Variants in ZNF326 observed in about 807,000 individuals in gnomAD.
The protein encoded by ZNF326 is DBIRD complex subunit ZNF326.
ZNF326 carries 30 observed loss-of-function variants against 63.1 expected under a neutral mutation model. That is an observed-to-expected ratio of 0.48 (90% confidence interval 0.36 to 0.64). The LOEUF is 0.64. Among genes scored for constraint, ZNF326 ranks in the 30% least tolerant of loss-of-function variants. The probability of loss-of-function intolerance (pLI) is 0.00; values close to 1 mark genes in which losing one functional copy is unlikely to be tolerated. For missense variants in ZNF326, 609 were observed against 720.3 expected (o/e 0.85, Z 1.77); for synonymous variants, 194 against 228.2 (o/e 0.85, Z 1.35).
At chr1:90,011,979 G>T (rs1384000947) in intron 6 of ZNF326, among the ~76,000 whole-genome samples, 1 of 152,164 alleles carries the variant, frequency 6.6e-6, no homozygotes, top group African/African-American at 2.4e-5. Flanking sequence ...TGGGACTACA[G>T]ATGTGCACCA....
intron 2 of ZNF326, among the ~76,000 whole-genome samples, chr1:89,999,682 T>C (rs1029807978): frequency 2.6e-5 from 4 of 152,230 alleles, no homozygotes; most frequent in Admixed American, 2.6e-4. Context: ...TGTGCAAAAC[T>C]ACTCTGAATG....
At chr1:90,006,312 CTT>C (rs1436253901) in intron 4 of ZNF326, 62 of 977,192 alleles carry the variant, frequency 6.3e-5, no homozygotes, top group Non-Finnish European at 7.4e-5. Context: ...TAATGTAACA[CTT>C]AATGTTTTAA....
Position 90,011,614 on chromosome 1 carries a change from A to G in ZNF326, c.814+1328A>G, listed in dbSNP as rs910715782. On this transcript the variant is annotated intron_variant, in intron 6 of 11. Transcript: ENST00000340281. ...CCACTCCATACCCACTTGGATGGTCATAATAAAAAAAGGAAAATAACAAAT... is the reference window on the plus strand; with the variant it reads ...CCACTCCATACCCACTTGGATGGTCGTAATAAAAAAAGGAAAATAACAAAT... Among the ~76,000 whole-genome samples the G allele has an allele frequency of 3.3e-5, 5 of 150,892 alleles. No homozygotes were observed. In the South Asian group the frequency reaches 6.3e-4, roughly 19 times the overall value.
At chr1:90,011,644 A>C (rs1649238984) in intron 6 of ZNF326, among the ~76,000 whole-genome samples, 1 of 151,864 alleles carries the variant, frequency 6.6e-6, no homozygotes, top group Non-Finnish European at 1.5e-5. Flanking sequence ...ACAAATGTTG[A>C]CAAGGATATG....
chr1:90,010,478 A>ATTT (rs1649185135), intron 6 of ZNF326, among the ~76,000 whole-genome samples, 192 bp downstream of exon 6: 1 of 152,168 alleles, frequency 6.6e-6, no homozygotes, highest in Non-Finnish European at 1.5e-5. Context: ...TAAAATGTAC[A>ATTT]TAACCTGGTC....
chr1:90,019,766 TACTG>T (rs1434405729), intron 9 of ZNF326, among the ~76,000 whole-genome samples: 7 of 152,260 alleles, frequency 4.6e-5, no homozygotes, highest in Admixed American at 1.3e-4. Flanking sequence ...TCTAACTGCC[TACTG>T]ACATCTCTTT....
At chr1:90,016,645 A>G (rs1449724664) in intron 7 of ZNF326, among the ~76,000 whole-genome samples, 1 of 151,456 alleles carries the variant, frequency 6.6e-6, no homozygotes, top group East Asian at 1.9e-4. Flanking sequence ...TGAACTGGGG[A>G]GGTGGAGGTT....
chr1:90,016,712 A>G (rs553505310), intron 7 of ZNF326, among the ~76,000 whole-genome samples: 1 of 151,362 alleles, frequency 6.6e-6, no homozygotes, highest in South Asian at 2.1e-4. Context: ...GCGAGGCTCC[A>G]TCTCAAAAAA....
intron 6 of ZNF326, 72 bp downstream of exon 6, chr1:90,010,358 T>A: frequency 6.8e-7 from 1 of 1,468,230 alleles, no homozygotes; most frequent in Non-Finnish European, 9.3e-7. Context: ...TTTTTGGTAA[T>A]TTTTTCATGT....
rs1281884068 is a variant in ZNF326 at position 89,995,253 on chromosome 1, C to G, written c.-5C>G. The G allele has an allele frequency of 2.6e-6, 4 of 1,554,668 alleles. No homozygotes were observed. The African/African-American group carries it at 5.6e-5, about 22-fold the overall frequency. ...CGCCAAGGCCGACGGCCCTCAGCCT[C>G]TGCCATGGACTTCGAGGACGGTAAG... is the stretch of plus-strand genomic sequence containing the variant. On this transcript the variant is annotated 5_prime_UTR_variant, in exon 1 of 12. Coordinates refer to ENST00000340281, the MANE Select transcript of ZNF326 (RefSeq NM_182976.4).
intron 5 of ZNF326, 79 bp from the exon 6 acceptor site, chr1:90,010,009 G>A: frequency 7.1e-7 from 1 of 1,417,260 alleles, no homozygotes; most frequent in South Asian, 1.3e-5. Flanking sequence ...TTAGTAGATA[G>A]TTAACATGAA....
At chr1:89,996,900 G>A (rs1051415917) in intron 1 of ZNF326, among the ~76,000 whole-genome samples, 2 of 152,220 alleles carry the variant, frequency 1.3e-5, no homozygotes, top group Non-Finnish European at 2.9e-5. Flanking sequence ...CAAAGTGGAG[G>A]TGGGGCAGTA....
intron 5 of ZNF326, among the ~76,000 whole-genome samples, chr1:90,008,307 T>C: frequency 6.6e-6 from 1 of 152,208 alleles, no homozygotes; most frequent in African/African-American, 2.4e-5. Flanking sequence ...TGATTTGTGG[T>C]CAGTGTAATT....
intron 4 of ZNF326, chr1:90,006,125 C>G: frequency 1.0e-6 from 1 of 985,396 alleles, no homozygotes. Context: ...TTCCTTCTTT[C>G]TGCTTCCAGT....
At position 90,031,451 on chromosome 1, in the gene ZNF326, C is replaced by G. The variant is rs750089252; in HGVS notation, c.*3750C>G. On this transcript the variant is annotated 3_prime_UTR_variant, in exon 12 of 12. Transcript: ENST00000340281. ...TGATTTATTTACCAAATTGTCCTTA[C>G]TTTGAATATAAGCAAACTTTTTTAT... 1 of 151,982 alleles carries G rather than the reference C, an allele frequency of 6.6e-6. No individual in the cohort carries two copies. The highest frequency in any genetic ancestry group is 2.4e-5 in the African/African-American group (1 of 41,372). The allele number at this position is 151,982 out of a possible 1,614,324, so 9.4% of individuals were successfully genotyped here.
chr1:90,000,003 ATGTT>A, intron 2 of ZNF326, among the ~76,000 whole-genome samples: 2 of 152,326 alleles, frequency 1.3e-5, no homozygotes, highest in East Asian at 3.9e-4. Flanking sequence ...TATTTATTGT[ATGTT>A]AGATGATGAT....
intron 7 of ZNF326, among the ~76,000 whole-genome samples, chr1:90,015,698 A>G (rs554618728): frequency 6.6e-6 from 1 of 152,222 alleles, no homozygotes; most frequent in Non-Finnish European, 1.5e-5. Context: ...TAAATAAATA[A>G]GGGTGCATGG....
At position 90,005,217 on chromosome 1, in the gene ZNF326, A is replaced by G. The variant is rs1286384836; in HGVS notation, c.182A>G (p.Asn61Ser). The G allele has an allele frequency of 2.5e-6, 4 of 1,613,914 alleles. No individual in the cohort carries two copies. Among genetic ancestry groups the G allele is most frequent in the Middle Eastern group, 1.7e-4 (1 of 6,060 alleles). ...SYLNQSYGMD[N>S]HSGGGGGSRF... ...CTAAACCAGTCATATGGCATGGACA[A>G]TCACAGTGGTGGTGGTGGGGGTAGC... The change falls in exon 4 of 12, where the codon AAT (asparagine) becomes AGT (serine). Residue 61 changes from asparagine to serine, a missense_variant. Asn to Ser is a conservative substitution (Grantham distance 46). Around this residue, in one of 3 missense-constraint regions of ZNF326, gnomAD observed 97 missense variants for 88.7 expected, o/e 1.09. Transcript: ENST00000340281.
At chr1:90,011,698 A>G (rs1047439277) in intron 6 of ZNF326, among the ~76,000 whole-genome samples, 3 of 152,168 alleles carry the variant, frequency 2.0e-5, no homozygotes, top group African/African-American at 7.2e-5. Context: ...AATGTAAAGC[A>G]GTGAAGCCAC....
Sources: gnomAD v4.1 joint callset for allele counts (sites outside exome capture counted in the v4.1 genomes callset) on GRCh38, gnomAD v4.1.1 for gene constraint, gnomAD v4.1.1 regional missense constraint, MANE v1.5 for transcripts, NCBI Gene and HGNC (gene_info 2026-07-23, HGNC 2026-07-21) for gene names.